ARMC9: variants seen among roughly 807,000 people sequenced by gnomAD.
ARMC9 encodes the protein lisH domain-containing protein ARMC9.
A neutral mutation model predicts 107.0 loss-of-function variants in ARMC9; 94 were observed. That is an observed-to-expected ratio of 0.88 (90% CI 0.74 to 1.04). The LOEUF (loss-of-function observed/expected upper bound fraction) is 1.04, where lower values mean the gene tolerates loss of function less well. Ranked by LOEUF, ARMC9 falls within the 50% of genes least tolerant of loss-of-function variation. The pLI is 0.00. For missense variants in ARMC9, 942 were observed against 1,030.1 expected (o/e 0.91, Z 1.17); for synonymous variants, 380 against 396.9 (o/e 0.96, Z 0.51).
chr2:231,304,482 C>T (rs1369351489), intron 19 of ARMC9, among the ~76,000 whole-genome samples: 2 of 152,204 alleles, frequency 1.3e-5, no homozygotes, highest in African/African-American at 2.4e-5. Flanking sequence ...CTGCAACCTC[C>T]GCCTCCTGGG....
At chr2:231,366,780 G>A (rs1184369441) in intron 23 of ARMC9, among the ~76,000 whole-genome samples, 2 of 151,390 alleles carry the variant, frequency 1.3e-5, no homozygotes, top group African/African-American at 4.8e-5. Context: ...GGCGGAGGTT[G>A]CAGTGACCCA....
Position 231,230,983 on chromosome 2 carries a change from A to G in ARMC9, c.622+4185A>G, listed in dbSNP as rs188519209. ...CCTATTGCCTGCTTCTCTCTTTCCAATAGGCTGCAGGCAGTTAGGCCTTTT... is the reference window on the plus strand; with the variant it reads ...CCTATTGCCTGCTTCTCTCTTTCCAGTAGGCTGCAGGCAGTTAGGCCTTTT... On this transcript the variant is annotated intron_variant, in intron 7 of 24. Coordinates refer to ENST00000611582, the MANE Select transcript of ARMC9 (RefSeq NM_001352754.2). Among the ~76,000 whole-genome samples, 27 of 152,306 alleles carry G rather than the reference A, an allele frequency of 1.8e-4. 1 individual carries two copies. The highest frequency in any genetic ancestry group is 1.4e-3 in the Admixed American group (22 of 15,298).
chr2:231,234,407 G>A (rs1027683778), intron 7 of ARMC9, among the ~76,000 whole-genome samples: 2 of 152,154 alleles, frequency 1.3e-5, no homozygotes, highest in Non-Finnish European at 2.9e-5. Flanking sequence ...TATCAAACTG[G>A]CAGAATGATG....
chr2:231,247,451 T>C (rs894546599), intron 9 of ARMC9, among the ~76,000 whole-genome samples: 3 of 152,152 alleles, frequency 2.0e-5, no homozygotes, highest in Admixed American at 6.5e-5. Context: ...TTCTCCCCAG[T>C]GTGATTTTCT....
chr2:231,374,883 AT>A lies in ARMC9; in HGVS notation c.*3349del, dbSNP rs2046150273. The A allele has an allele frequency of 6.6e-6, 1 of 152,124 alleles. No individual in the cohort carries two copies. The highest frequency in any genetic ancestry group is 6.5e-5 in the Admixed American group (1 of 15,276). The allele number at this position is 152,124 out of a possible 1,614,324, so 9.4% of individuals were successfully genotyped here. A position where few individuals can be genotyped will look rare whatever the true frequency, so the allele number is the denominator to read the frequency against. ...CCTTTAAATTTTGTATGCAAGGTGA[AT>A]ACCTCACCCCTCTCTCCTGGCCTAG... On this transcript the variant is annotated 3_prime_UTR_variant, in exon 25 of 25. Coordinates refer to ENST00000611582, the MANE Select transcript of ARMC9 (RefSeq NM_001352754.2).
intron 19 of ARMC9, among the ~76,000 whole-genome samples, chr2:231,301,718 G>A (rs771238568): frequency 1.3e-5 from 2 of 151,818 alleles, no homozygotes; most frequent in Non-Finnish European, 1.5e-5. Context: ...GGTGGCTCAC[G>A]CCTGAATCCC....
At chr2:231,232,238 G>A (rs2035301363) in intron 7 of ARMC9, among the ~76,000 whole-genome samples, 1 of 150,376 alleles carries the variant, frequency 6.6e-6, no homozygotes, top group Admixed American at 6.6e-5. Flanking sequence ...GTTGGCCAGG[G>A]TGGTCTTGAT....
At position 231,199,783 on chromosome 2, in the gene ARMC9, C is replaced by T. The variant is rs145092864; in HGVS notation, c.-42+1085C>T. ...TGATCTCGGCTCACTGCAACCTCCA[C>T]CTCCTGGGTTCAAGCGATTCTCTTG... On this transcript the variant is annotated intron_variant, in intron 1 of 24. Coordinates refer to ENST00000611582, the MANE Select transcript of ARMC9 (RefSeq NM_001352754.2). Among the ~76,000 whole-genome samples the T allele has an allele frequency of 4.6e-3, 699 of 152,184 alleles. 3 individuals carry two copies. The highest frequency in any genetic ancestry group is 0.016 in the African/African-American group (657 of 41,496).
intron 7 of ARMC9, among the ~76,000 whole-genome samples, chr2:231,230,968 G>A (rs1275773270): frequency 6.6e-6 from 1 of 152,222 alleles, no homozygotes; most frequent in African/African-American, 2.4e-5. Context: ...CCTATTGCCT[G>A]CTTCTCTCTT....
At chr2:231,215,981 G>C (rs1343895837) in intron 4 of ARMC9, among the ~76,000 whole-genome samples, 1 of 152,202 alleles carries the variant, frequency 6.6e-6, no homozygotes, top group Non-Finnish European at 1.5e-5. Context: ...GTACGAGACT[G>C]TGAAGGCCAT....
chr2:231,369,834 T>G, intron 23 of ARMC9, 119 bp from the exon 24 acceptor site: 1 of 1,084,454 alleles, frequency 9.2e-7, no homozygotes, highest in Non-Finnish European at 1.2e-6. Flanking sequence ...CTTCAGGTGA[T>G]TTGTCCGCCT....
At position 231,373,092 on chromosome 2, in the gene ARMC9, C is replaced by G. The variant is rs1423421005; in HGVS notation, c.*1557C>G. On this transcript the variant is annotated 3_prime_UTR_variant, in exon 25 of 25. Transcript: ENST00000611582. The surrounding 1 kb of genome is among the most constrained non-coding windows in gnomAD (Gnocchi z 4.4). Reference sequence around the variant, plus strand: ...ACCTCTTGGTTCTCTGGAAATGTGTCCACTCTGTGCTCAGGGAAGAAGGCT... The same window carrying G: ...ACCTCTTGGTTCTCTGGAAATGTGTGCACTCTGTGCTCAGGGAAGAAGGCT... The G allele has an allele frequency of 6.6e-6, 1 of 152,196 alleles. No homozygotes were observed. The highest frequency in any genetic ancestry group is 1.5e-5 in the Non-Finnish European group (1 of 68,052). The allele number at this position is 152,196 out of a possible 1,614,324, so 9.4% of individuals were successfully genotyped here.
At chr2:231,257,241 G>A (rs1486084785) in intron 10 of ARMC9, among the ~76,000 whole-genome samples, 1 of 152,236 alleles carries the variant, frequency 6.6e-6, no homozygotes, top group African/African-American at 2.4e-5. Context: ...ACAGAGTGTT[G>A]CACTGTCTGA....
At chr2:231,291,187 A>G (rs2040961587) in intron 17 of ARMC9, among the ~76,000 whole-genome samples, 166 bp from the exon 18 acceptor site, 1 of 152,104 alleles carries the variant, frequency 6.6e-6, no homozygotes, top group African/African-American at 2.4e-5. Context: ...GAATTTTTGT[A>G]TCTATCTCTT....
At chr2:231,303,156 C>T (rs1424254369) in intron 19 of ARMC9, among the ~76,000 whole-genome samples, 1 of 152,120 alleles carries the variant, frequency 6.6e-6, no homozygotes, top group Non-Finnish European at 1.5e-5. Context: ...GAATATTGAA[C>T]TTGTATCCTA....
intron 1 of ARMC9, among the ~76,000 whole-genome samples, chr2:231,201,689 T>TCTTAACCTGATTAGTTCCAGTGTCC (rs1430744899): frequency 6.6e-6 from 1 of 152,160 alleles, no homozygotes; most frequent in Non-Finnish European, 1.5e-5. Flanking sequence ...CCTCCCCCAT[T>TCTTAACCTGATTAGTTCCAGTGTCC]CTTAACCTGA....
chr2:231,322,430 G>A (rs1352754293), intron 19 of ARMC9, among the ~76,000 whole-genome samples: 1 of 152,230 alleles, frequency 6.6e-6, no homozygotes, highest in African/African-American at 2.4e-5. Flanking sequence ...ATTATTTCAA[G>A]TGGAAAGCAC....
intron 20 of ARMC9, among the ~76,000 whole-genome samples, chr2:231,339,157 G>A (rs1262840646): frequency 7.2e-5 from 11 of 151,746 alleles, no homozygotes; most frequent in Non-Finnish European, 1.3e-4. Flanking sequence ...GTGAAACTCC[G>A]TCTCTACTAA....
intron 9 of ARMC9, among the ~76,000 whole-genome samples, chr2:231,244,309 G>T (rs1030942907): frequency 2.0e-5 from 3 of 151,866 alleles, no homozygotes; most frequent in Non-Finnish European, 4.4e-5. Flanking sequence ...AAAGGAAAAA[G>T]GAGCTGAAAA....
Sources: allele counts gnomAD v4.1 joint callset (sites outside exome capture counted in the v4.1 genomes callset), GRCh38; gene constraint gnomAD v4.1.1; non-coding constraint Gnocchi (gnomAD v3.1); transcripts MANE v1.5; gene names NCBI Gene and HGNC (gene_info 2026-07-23, HGNC 2026-07-21).